ZNF536: variants seen among roughly 807,000 people sequenced by gnomAD.
ZNF536 encodes zinc finger protein 536.
A neutral mutation model predicts 84.5 loss-of-function variants in ZNF536; 13 were observed. The observed-to-expected ratio is 0.15, with a 90% CI of 0.10 to 0.24. The LOEUF is 0.24. Ranked by LOEUF, ZNF536 falls within the 10% of genes least tolerant of loss-of-function variation. The pLI is 1.00. For synonymous variants in ZNF536, 811 were observed against 742.5 expected, an observed-to-expected ratio of 1.09 and a Z score of -1.50; for missense variants, 1,536 against 1,747.5, an observed-to-expected ratio of 0.88 and a Z score of 2.16.
intron 1 of ZNF536, among the ~76,000 whole-genome samples, chr19:30,649,685 C>T (rs965914032): frequency 1.6e-4 from 25 of 151,620 alleles, no homozygotes; most frequent in African/African-American, 5.8e-4. Flanking sequence ...AAACAATAGA[C>T]TTGAAAGATA....
chr19:30,478,610 G>C (rs1211271449), intron 2 of ZNF536, among the ~76,000 whole-genome samples: 1 of 152,196 alleles, frequency 6.6e-6, no homozygotes, highest in African/African-American at 2.4e-5. Flanking sequence ...ACTATTGTGA[G>C]AATTAAATGA....
intron 2 of ZNF536, among the ~76,000 whole-genome samples, chr19:30,344,440 C>CAA (rs10628847): frequency 0.47 from 32,444 of 68,498 alleles, 7,320 homozygotes; most frequent in East Asian, 0.75. Context: ...AACTCCATCT[C>CAA]AAAAAAAAAA....
intron 2 of ZNF536, among the ~76,000 whole-genome samples, chr19:30,322,161 G>A (rs1331350781): frequency 2.0e-5 from 3 of 152,076 alleles, no homozygotes; most frequent in Non-Finnish European, 4.4e-5. Context: ...CAGGCATCAC[G>A]TGATTTGTAT....
intron 2 of ZNF536, among the ~76,000 whole-genome samples, chr19:30,346,227 A>G (rs1262974137): frequency 6.6e-6 from 1 of 152,210 alleles, no homozygotes; most frequent in Non-Finnish European, 1.5e-5. Flanking sequence ...CAACTGTGCT[A>G]TTATCAGCTC....
chr19:30,461,219 G>C (rs1417674821), intron 2 of ZNF536, among the ~76,000 whole-genome samples: 1 of 152,172 alleles, frequency 6.6e-6, no homozygotes, highest in Non-Finnish European at 1.5e-5. Flanking sequence ...AGGTTGGATT[G>C]AGTTGTAAGG....
intron 1 of ZNF536, among the ~76,000 whole-genome samples, chr19:30,590,524 C>T (rs78204567): frequency 0.01 from 1,587 of 152,298 alleles, 25 homozygotes; most frequent in African/African-American, 0.036. Context: ...TTGTGTTTCA[C>T]CCTGTCTCTG....
intron 1 of ZNF536, among the ~76,000 whole-genome samples, chr19:30,443,039 GTTTGT>G (rs1031892033): frequency 1.6e-4 from 16 of 98,670 alleles, no homozygotes; most frequent in African/African-American, 5.8e-4. Context: ...AGTGTTTTTT[GTTTGT>G]TTTTTTTTTT....
downstream of ZNF536, among the ~76,000 whole-genome samples, chr19:30,562,418 C>T (rs2046204488): frequency 6.6e-6 from 1 of 152,076 alleles, no homozygotes; most frequent in Non-Finnish European, 1.5e-5. Context: ...AGAAGAAGAC[C>T]ATTGAGGATT....
At chr19:30,251,296 T>C (rs1470644405) in intron 1 of ZNF536, among the ~76,000 whole-genome samples, 1 of 152,180 alleles carries the variant, frequency 6.6e-6, no homozygotes, top group African/African-American at 2.4e-5. Context: ...ATGTGGACAA[T>C]GATGAAATGA....
At chr19:30,376,838 C>T (rs2048837355) in intron 1 of ZNF536, among the ~76,000 whole-genome samples, 1 of 152,224 alleles carries the variant, frequency 6.6e-6, no homozygotes, top group Non-Finnish European at 1.5e-5. Flanking sequence ...TGTGCCTCCC[C>T]CTGCCCCGAC....
intron 3 of ZNF536, among the ~76,000 whole-genome samples, chr19:30,536,356 G>T (rs534635837): frequency 6.6e-6 from 1 of 152,178 alleles, no homozygotes; most frequent in East Asian, 1.9e-4. Flanking sequence ...ATTCGGAGAG[G>T]CTGCCCCTGA....
chr19:30,538,102 T>C (rs961175797), intron 3 of ZNF536, among the ~76,000 whole-genome samples: 2 of 152,198 alleles, frequency 1.3e-5, no homozygotes, highest in Non-Finnish European at 2.9e-5. Flanking sequence ...TGTTAATAAG[T>C]GATTTCATGT....
downstream of ZNF536, among the ~76,000 whole-genome samples, chr19:30,561,788 TC>T (rs56140079): frequency 0.12 from 18,531 of 152,190 alleles, 1,267 homozygotes; most frequent in Non-Finnish European, 0.14. Flanking sequence ...CAACCATTCT[TC>T]CCATAGTGAG....
intron 2 of ZNF536, among the ~76,000 whole-genome samples, chr19:30,530,058 C>T (rs2044741182): frequency 6.6e-6 from 1 of 152,184 alleles, no homozygotes. Context: ...CAAAGGTCCC[C>T]TCCAGGGACA....
intron 1 of ZNF536, among the ~76,000 whole-genome samples, chr19:30,250,412 G>T (rs1416250458): frequency 6.6e-6 from 1 of 152,174 alleles, no homozygotes; most frequent in African/African-American, 2.4e-5. Flanking sequence ...AGCTCTTGGG[G>T]CAATGAGCTG....
chr19:30,265,724 G>A (rs1193277683), intron 1 of ZNF536, among the ~76,000 whole-genome samples: 2 of 152,106 alleles, frequency 1.3e-5, no homozygotes, highest in Non-Finnish European at 2.9e-5. Flanking sequence ...GTTCCAGCTG[G>A]TATCACCTTG....
chr19:30,551,258 G>A (rs1750329369), intron 4 of ZNF536, among the ~76,000 whole-genome samples: 1 of 151,768 alleles, frequency 6.6e-6, no homozygotes. Context: ...TTATTGAAAT[G>A]AGCTCATATT....
intron 1 of ZNF536, among the ~76,000 whole-genome samples, chr19:30,687,130 G>A (rs2051221134): frequency 6.6e-6 from 1 of 152,192 alleles, no homozygotes; most frequent in African/African-American, 2.4e-5. Flanking sequence ...AAAGGCTTCA[G>A]CCCGGCCGGG....
chr19:30,362,771 G>A (rs954616695), intron 3 of ZNF536, among the ~76,000 whole-genome samples: 1 of 152,132 alleles, frequency 6.6e-6, no homozygotes, highest in African/African-American at 2.4e-5. Flanking sequence ...TTGTTTATGA[G>A]TGTGAGAGGC....
Sources: gnomAD v4.1 joint callset for allele counts (sites outside exome capture counted in the v4.1 genomes callset) on GRCh38, gnomAD v4.1.1 for gene constraint, MANE v1.5 for transcripts, NCBI Gene and HGNC (gene_info 2026-07-23, HGNC 2026-07-21) for gene names.